Variants in ATP8B1 observed in about 807,000 individuals in gnomAD.
The protein encoded by ATP8B1 is phospholipid-transporting ATPase IC.
Under a neutral mutation model 149.9 loss-of-function variants are expected in ATP8B1, and 80 were observed. The observed-to-expected ratio is 0.53, with a 90% confidence interval of 0.45 to 0.64. The LOEUF (loss-of-function observed/expected upper bound fraction) is 0.64, where lower values mean the gene tolerates loss of function less well. Among genes scored for constraint, ATP8B1 ranks in the 30% least tolerant of loss-of-function variants. The pLI is 0.00. For missense variants in ATP8B1, 1,247 were observed against 1,552.6 expected, an observed-to-expected ratio of 0.80 and a Z score of 3.31; for synonymous variants, 536 against 562.8, an observed-to-expected ratio of 0.95 and a Z score of 0.67.
At chr18:57,786,012 T>C (rs932931304) in intron 1 of ATP8B1, among the ~76,000 whole-genome samples, 5 of 152,228 alleles carry the variant, frequency 3.3e-5, no homozygotes, top group African/African-American at 9.6e-5. Context: ...TTCTCTCTCA[T>C]AAAACATGTG....
intron 1 of ATP8B1, among the ~76,000 whole-genome samples, chr18:57,788,707 T>A (rs559170517): frequency 4.5e-4 from 68 of 152,288 alleles, no homozygotes; most frequent in African/African-American, 1.5e-3. Flanking sequence ...CCCATGGGGA[T>A]AATTCCTGTC....
chr18:57,736,453 G>GTTTTTTTTTTTTTTTTTTTT lies in ATP8B1; in HGVS notation c.-25-4641_-25-4622dup, dbSNP rs71171079. On this transcript the variant is annotated intron_variant, in intron 1 of 27. Transcript: ENST00000648908. Reference sequence around the variant, plus strand: ...TTTCTTCTAGTATAAAGTTTTACTAGTTTTTTTTTTTTTTTTTTTTTTTTG... The same window carrying GTTTTTTTTTTTTTTTTTTTT: ...TTTCTTCTAGTATAAAGTTTTACTAGTTTTTTTTTTTTTTTTTTTTTTTTTTTTTTTTTTTTTTTTTTTTG... Among the ~76,000 whole-genome samples, 16 of 70,142 alleles carry GTTTTTTTTTTTTTTTTTTTT rather than the reference G, an allele frequency of 2.3e-4. 8 individuals are homozygous for GTTTTTTTTTTTTTTTTTTTT. Among genetic ancestry groups the GTTTTTTTTTTTTTTTTTTTT allele is most frequent in the Non-Finnish European group, 2.1e-4 (8 of 37,394 alleles). The allele number at this position is 70,142 out of a possible 152,430, so 46.0% of individuals were successfully genotyped here.
chr18:57,703,162 T>C (rs1440590947), intron 4 of ATP8B1, among the ~76,000 whole-genome samples: 2 of 152,100 alleles, frequency 1.3e-5, no homozygotes, highest in Non-Finnish European at 2.9e-5. Context: ...TTTTCTCTCC[T>C]CTCCACGCAT....
chr18:57,795,207 A>T (rs112860217), intron 1 of ATP8B1, among the ~76,000 whole-genome samples: 1,754 of 152,064 alleles, frequency 0.012, 33 homozygotes, highest in African/African-American at 0.04. Context: ...CCTGGGCGAC[A>T]TATCGAGACA....
At chr18:57,672,917 TATA>T in intron 16 of ATP8B1, among the ~76,000 whole-genome samples, 1 of 51,666 alleles carries the variant, frequency 1.9e-5, no homozygotes, top group Admixed American at 2.7e-4. Flanking sequence ...TATATATATA[TATA>T]TATATATATA....
intron 19 of ATP8B1, chr18:57,668,212 A>G: frequency 6.9e-7 from 1 of 1,447,052 alleles, no homozygotes; most frequent in Non-Finnish European, 9.1e-7. Flanking sequence ...CCAGGAGCTA[A>G]ATTATAAGGA....
chr18:57,687,989 G>A (rs1912339142), intron 13 of ATP8B1, among the ~76,000 whole-genome samples: 1 of 151,992 alleles, frequency 6.6e-6, no homozygotes, highest in Admixed American at 6.6e-5. Flanking sequence ...TGCCATGTTG[G>A]CAAGGCTGGT....
At chr18:57,710,784 AC>A (rs1351802332) in intron 2 of ATP8B1, among the ~76,000 whole-genome samples, 1 of 152,022 alleles carries the variant, frequency 6.6e-6, no homozygotes, top group Non-Finnish European at 1.5e-5. Flanking sequence ...ACAGGCGCCC[AC>A]CATCATGCCC....
chr18:57,764,923 A>G (rs1318872287), intron 1 of ATP8B1, among the ~76,000 whole-genome samples: 2 of 152,180 alleles, frequency 1.3e-5, no homozygotes, highest in Non-Finnish European at 2.9e-5. Flanking sequence ...GGATCTAGCA[A>G]TCTCACTTCT....
chr18:57,674,781 C>T, intron 16 of ATP8B1, 53 bp downstream of exon 16: 5 of 1,590,398 alleles, frequency 3.1e-6, no homozygotes, highest in South Asian at 2.2e-5. Context: ...ATACAATGGG[C>T]ACAAGCAACA....
chr18:57,801,204 A>T (rs977693334), intron 1 of ATP8B1, among the ~76,000 whole-genome samples: 1 of 152,204 alleles, frequency 6.6e-6, no homozygotes, highest in Non-Finnish European at 1.5e-5. Context: ...AGTAATAACC[A>T]AAAGAGTCTT....
chr18:57,738,178 C>G (rs2079877439), intron 1 of ATP8B1: 1 of 152,278 alleles, frequency 6.6e-6, no homozygotes, highest in Non-Finnish European at 1.5e-5. Context: ...CATAATGTCT[C>G]TGACCACCAC....
At chr18:57,716,251 C>T (rs2079581955) in intron 2 of ATP8B1, among the ~76,000 whole-genome samples, 1 of 151,806 alleles carries the variant, frequency 6.6e-6, no homozygotes, top group African/African-American at 2.4e-5. Context: ...GAGAAAACCA[C>T]CTTCACTAAA....
At chr18:57,672,486 A>C (rs1911265127) in intron 16 of ATP8B1, among the ~76,000 whole-genome samples, 2 of 152,208 alleles carry the variant, frequency 1.3e-5, no homozygotes, top group African/African-American at 4.8e-5. Flanking sequence ...ATTGGTTAAA[A>C]ATTCAATCAT....
chr18:57,755,152 G>C (rs995988888), intron 1 of ATP8B1, among the ~76,000 whole-genome samples: 2 of 152,118 alleles, frequency 1.3e-5, no homozygotes, highest in South Asian at 4.1e-4. Flanking sequence ...AATAGTCTCA[G>C]GTTGTTTACC....
chr18:57,715,036 A>G (rs575435622), intron 2 of ATP8B1, among the ~76,000 whole-genome samples: 2 of 152,380 alleles, frequency 1.3e-5, no homozygotes, highest in East Asian at 1.9e-4. Context: ...AGGAAACTCA[A>G]AGAAATTCAA....
At chr18:57,779,968 A>C (rs2080343749) in intron 1 of ATP8B1, among the ~76,000 whole-genome samples, 1 of 152,152 alleles carries the variant, frequency 6.6e-6, no homozygotes, top group Non-Finnish European at 1.5e-5. Context: ...TTATAATATT[A>C]AACAGTCTCT....
At chr18:57,695,002 C>A (rs981911802) in intron 10 of ATP8B1, among the ~76,000 whole-genome samples, 169 bp downstream of exon 10, 7 of 137,304 alleles carry the variant, frequency 5.1e-5, no homozygotes, top group African/African-American at 2.0e-4. Context: ...TGCACTCCAG[C>A]CTGGGCTACA....
chr18:57,777,743 T>C (rs1282114935), intron 1 of ATP8B1, among the ~76,000 whole-genome samples: 2 of 152,106 alleles, frequency 1.3e-5, no homozygotes, highest in Non-Finnish European at 2.9e-5. Context: ...TAATTTTTTG[T>C]AGTTTTTGTA....
Sources: gnomAD v4.1 joint callset for allele counts (sites outside exome capture counted in the v4.1 genomes callset) on GRCh38, gnomAD v4.1.1 for gene constraint, MANE v1.5 for transcripts, NCBI Gene and HGNC (gene_info 2026-07-23, HGNC 2026-07-21) for gene names.